Variants in DKC1 observed in about 807,000 individuals in gnomAD.
DKC1 encodes dyskerin pseudouridine synthase 1.
A neutral mutation model predicts 46.7 loss-of-function variants in DKC1; 4 were observed. That is an observed-to-expected ratio of 0.09 (90% CI 0.04 to 0.20). DKC1 has a LOEUF of 0.20. DKC1 is among the 10% of genes least tolerant of loss of function. DKC1 has a pLI of 1.00. For missense variants in DKC1, 171 were observed against 404.2 expected (o/e 0.42, Z 4.95); for synonymous variants, 141 against 142.4 (o/e 0.99, Z 0.07).
intron 1 of DKC1, among the ~76,000 whole-genome samples, chrX:154,764,619 T>A (rs1472456422): frequency 1.6e-4 from 18 of 111,429 alleles, no homozygotes; most frequent in African/African-American, 5.6e-4. Flanking sequence ...TTTTTTTTTG[T>A]TAACTAAGAC....
At chrX:154,773,758 C>T (rs1490010090) in intron 11 of DKC1, among the ~76,000 whole-genome samples, 1 of 112,506 alleles carries the variant, frequency 8.9e-6, no homozygotes, top group Non-Finnish European at 1.9e-5. Flanking sequence ...ACCTTTCCCG[C>T]CTTTCTATTC....
intron 5 of DKC1, 115 bp from the exon 6 acceptor site, chrX:154,766,882 A>G (rs1489374830): frequency 1.5e-6 from 1 of 659,070 alleles, no homozygotes; most frequent in Non-Finnish European, 2.5e-6. Flanking sequence ...ATAGAAACAC[A>G]AGGTCAAACT....
At chrX:154,766,125 G>T (rs1472976109) in intron 4 of DKC1, 91 bp from the exon 5 acceptor site, 1 of 1,046,274 alleles carries the variant, frequency 9.6e-7, no homozygotes, top group South Asian at 1.9e-5. Flanking sequence ...TACCCGCAGT[G>T]AATTATTTTT....
In DKC1 at chrX:154,765,044, T is replaced by C. The variant is rs1375756456; in HGVS notation, c.84+78T>C. ...ATAACAAACTAAAGGAAAGAAGTGTTTTTAAAGGTTTCCAAGGAATGGGCC... is the reference window on the plus strand; with the variant it reads ...ATAACAAACTAAAGGAAAGAAGTGTCTTTAAAGGTTTCCAAGGAATGGGCC... On this transcript the variant is annotated intron_variant, in intron 2 of 14. Coordinates refer to ENST00000369550, the MANE Select transcript of DKC1 (RefSeq NM_001363.5). The C allele has an allele frequency of 4.5e-6, 4 of 896,277 alleles. No homozygotes were observed. The African/African-American group carries it at 7.8e-5, about 18-fold the overall frequency. 73.9% of individuals were successfully genotyped at this position (896,277 alleles called of 1,213,427 possible).
intron 1 of DKC1, among the ~76,000 whole-genome samples, chrX:154,764,230 T>C (rs2071718306): frequency 9.3e-6 from 1 of 108,054 alleles, no homozygotes; most frequent in African/African-American, 3.3e-5. Flanking sequence ...GTATTATATG[T>C]ATGTATATTA....
chrX:154,774,364 A>T (rs781807298), intron 11 of DKC1, among the ~76,000 whole-genome samples: 2 of 111,536 alleles, frequency 1.8e-5, no homozygotes, highest in Non-Finnish European at 3.8e-5. Flanking sequence ...AAGGCAAAAA[A>T]GTAGAGTGGC....
At chrX:154,766,578 T>A in intron 5 of DKC1, 178 bp downstream of exon 5, 2 of 481,528 alleles carry the variant, frequency 4.2e-6, no homozygotes, top group Non-Finnish European at 7.0e-6. Context: ...GGTCCGCGCT[T>A]TTTGGAATTC....
At chrX:154,763,792 A>G (rs2071710882) in intron 1 of DKC1, among the ~76,000 whole-genome samples, 1 of 111,890 alleles carries the variant, frequency 8.9e-6, no homozygotes, top group Non-Finnish European at 1.9e-5. Context: ...ACAGCATGGT[A>G]TTGTGCGGAA....
chrX:154,769,683 C>G (rs2071797026), intron 9 of DKC1, among the ~76,000 whole-genome samples: 1 of 112,004 alleles, frequency 8.9e-6, no homozygotes, highest in Non-Finnish European at 1.9e-5. Context: ...ATAAAAATTT[C>G]TGGATATTTA....
At chrX:154,766,574 C>T (rs146625167) in intron 5 of DKC1, 174 bp downstream of exon 5, 31 of 484,843 alleles carry the variant, frequency 6.4e-5, no homozygotes, top group Non-Finnish European at 9.3e-5. Context: ...TGGTGGTCCG[C>T]GCTTTTTGGA....
At chrX:154,763,058 C>G (rs1384184963) in intron 1 of DKC1, 77 bp downstream of exon 1, 2 of 1,077,346 alleles carry the variant, frequency 1.9e-6, no homozygotes, top group Admixed American at 2.6e-5. Flanking sequence ...GTATCGGGGC[C>G]CGCGCACGCC....
rs782342369 is a variant in DKC1 at position 154,776,210 on chromosome X, A to G, written c.1362A>G (p.Glu454=). 35 of 1,210,512 alleles carry G rather than the reference A, an allele frequency of 2.9e-5. No individual in the cohort carries two copies. The African/African-American group carries it at 6.1e-4, about 21-fold the overall frequency. Residue 454 remains glutamate (E), a synonymous_variant, in exon 14 of 15, where the codon GAA becomes GAG. Transcript: ENST00000369550. ...AGCGGAAGCGAGAGAGTGAGAGTGA[A>G]AGTGACGAGACTCCTCCAGCAGCTC... is the stretch of plus-strand genomic sequence containing the variant. ...TAKRKRESES[E]SDETPPAAPQ...
At position 154,776,313 on chromosome X, in the gene DKC1, C is replaced by T; in HGVS notation, c.1465C>T (p.Pro489Ser). 1 of 1,193,231 alleles carries T rather than the reference C, an allele frequency of 8.4e-7. No homozygotes were observed. The highest frequency in any genetic ancestry group is 3.0e-5 in the East Asian group (1 of 32,860). Residue 489 changes from proline (P) to serine (S), a missense_variant, in exon 14 of 15, where the codon CCT becomes TCT. This residue lies in a region of DKC1 where 54 missense variants were observed against 64.4 expected (regional missense o/e 0.84). Transcript: ENST00000369550. ...AGCTGGTCTGGAGAGCGGGGCCGAG[C>T]CTGGAGATGGGGTGTGTGGAAACAC... ...AKAGLESGAE[P>S]GDGDSDTTKK...
At chrX:154,764,272 G>A (rs1329966415) in intron 1 of DKC1, among the ~76,000 whole-genome samples, 17 of 108,752 alleles carry the variant, frequency 1.6e-4, no homozygotes, top group African/African-American at 5.7e-4. Flanking sequence ...TATAAGTGGT[G>A]CACCCGTAGA....
intron 14 of DKC1, 34 bp from the exon 15 acceptor site, chrX:154,776,765 G>A: frequency 4.3e-6 from 5 of 1,173,042 alleles, no homozygotes; most frequent in Non-Finnish European, 5.8e-6. Flanking sequence ...GTTAGTGGAT[G>A]GTATCTGTGA....
chrX:154,763,390 G>A (rs781807558), intron 1 of DKC1, among the ~76,000 whole-genome samples: 2 of 112,416 alleles, frequency 1.8e-5, no homozygotes, highest in Admixed American at 1.9e-4. Context: ...GAGGGACCCC[G>A]GAGCAGGGAT....
Position 154,766,015 on chromosome X carries a change from G to A in DKC1, c.263+17G>A, listed in dbSNP as rs371006539. 51 of 1,148,423 alleles carry A rather than the reference G, an allele frequency of 4.4e-5. No homozygotes were observed. Among genetic ancestry groups the A allele is most frequent in the Middle Eastern group, 2.4e-4 (1 of 4,223 alleles). The allele number at this position is 1,148,423 out of a possible 1,213,427, so 94.6% of individuals were successfully genotyped here. A position where few individuals can be genotyped will look rare whatever the true frequency, so the allele number is the denominator to read the frequency against. On this transcript the variant is annotated intron_variant, in intron 4 of 14. Coordinates refer to ENST00000369550, the MANE Select transcript of DKC1 (RefSeq NM_001363.5). ...CTATATCAGGTAAGTGTTGGGAGGA[G>A]GCACTGTGCAAACTTACTTTCTTTT... is the stretch of plus-strand genomic sequence containing the variant.
intron 14 of DKC1, 65 bp from the exon 15 acceptor site, chrX:154,776,734 T>A (rs201253233): frequency 8.1e-5 from 88 of 1,082,558 alleles, no homozygotes; most frequent in African/African-American, 1.8e-5. Flanking sequence ...CCAGATTTCC[T>A]TCTGGGAGAG....
intron 14 of DKC1, 22 bp downstream of exon 14, chrX:154,776,346 T>C (rs983990551): frequency 2.6e-6 from 3 of 1,172,885 alleles, no homozygotes; most frequent in Non-Finnish European, 3.4e-6. Flanking sequence ...CACGTTCAGG[T>C]TCCTTGGGCT....
Sources: allele counts gnomAD v4.1 joint callset (sites outside exome capture counted in the v4.1 genomes callset), GRCh38; gene constraint gnomAD v4.1.1; regional missense constraint gnomAD v4.1.1; transcripts MANE v1.5; gene names NCBI Gene and HGNC (gene_info 2026-07-23, HGNC 2026-07-21).